Variants in IMMP2L observed in about 807,000 individuals in gnomAD.
IMMP2L encodes mitochondrial inner membrane protease subunit 2.
IMMP2L carries 18 observed loss-of-function variants against 19.3 expected under a neutral mutation model. The ratio of observed to expected loss-of-function variants is 0.93; its 90% CI spans 0.64 to 1.38. The LOEUF is 1.38. IMMP2L is among the 40% of genes most tolerant of loss of function. IMMP2L has a pLI of 0.00. For missense variants in IMMP2L, 233 were observed against 218.2 expected, an observed-to-expected ratio of 1.07 and a Z score of -0.43; for synonymous variants, 76 against 73.0, an observed-to-expected ratio of 1.04 and a Z score of -0.21.
At chr7:111,064,323 G>A (rs1375019414) in intron 3 of IMMP2L, among the ~76,000 whole-genome samples, 1 of 152,138 alleles carries the variant, frequency 6.6e-6, no homozygotes, top group Non-Finnish European at 1.5e-5. Flanking sequence ...TGAGATTTGG[G>A]TGAGGACACA....
At chr7:111,202,228 T>A (rs1810222624) in intron 3 of IMMP2L, among the ~76,000 whole-genome samples, 1 of 152,156 alleles carries the variant, frequency 6.6e-6, no homozygotes. Flanking sequence ...TGACACCCAC[T>A]CTTGGCAGAA....
At chr7:111,480,682 T>C (rs987162479) in intron 3 of IMMP2L, among the ~76,000 whole-genome samples, 4 of 151,478 alleles carry the variant, frequency 2.6e-5, no homozygotes, top group Non-Finnish European at 4.4e-5. Context: ...ATGGTCTTTC[T>C]ACATTTGGTT....
At chr7:110,825,122 C>T (rs187313479) in intron 5 of IMMP2L, among the ~76,000 whole-genome samples, 1 of 152,218 alleles carries the variant, frequency 6.6e-6, no homozygotes, top group East Asian at 1.9e-4. Context: ...AGGAATCCAA[C>T]TTACAAGGGA....
chr7:110,965,242 A>C lies in IMMP2L; in HGVS notation c.240-1677T>G, dbSNP rs529998627. On this transcript the variant is annotated intron_variant, in intron 3 of 5. Transcript: ENST00000405709. The stretch of plus-strand genomic sequence containing the variant: ...ATGTATTTCAAAATCATGCATAGAT[A>C]AAAATATTTTAAATTCAAGTCACAT... Among the ~76,000 whole-genome samples the C allele has an allele frequency of 1.1e-4, 16 of 152,210 alleles. No homozygotes were observed. The South Asian group carries it at 3.1e-3, about 30-fold the overall frequency.
chr7:111,188,276 G>A lies in IMMP2L; in HGVS notation c.240-224711C>T, dbSNP rs1007322394. Among the ~76,000 whole-genome samples, 4 of 152,104 alleles carry A rather than the reference G, an allele frequency of 2.6e-5. 1 individual carries two copies. Among genetic ancestry groups the A allele is most frequent in the Non-Finnish European group, 5.9e-5 (4 of 68,026 alleles). On this transcript the variant is annotated intron_variant, in intron 3 of 5. Transcript: ENST00000405709. ...TAGTACAGGCTGCGATTAACAAAGT[G>A]CCATAAATTGGGTGGCTTATGAACA...
At chr7:110,996,274 A>G (rs1333789337) in intron 3 of IMMP2L, among the ~76,000 whole-genome samples, 1 of 152,178 alleles carries the variant, frequency 6.6e-6, no homozygotes, top group Non-Finnish European at 1.5e-5. Flanking sequence ...CTTAAACAGC[A>G]AAGAGTGCTG....
At chr7:111,334,823 C>T (rs1029922190) in intron 3 of IMMP2L, among the ~76,000 whole-genome samples, 1 of 152,074 alleles carries the variant, frequency 6.6e-6, no homozygotes, top group African/African-American at 2.4e-5. Context: ...TGTATTTCTT[C>T]CATTTCCCTC....
chr7:111,283,438 A>G (rs1173444014), intron 3 of IMMP2L, among the ~76,000 whole-genome samples: 1 of 152,176 alleles, frequency 6.6e-6, no homozygotes, highest in Non-Finnish European at 1.5e-5. Context: ...AGACAGGGAG[A>G]AAGAAAATGA....
intron 3 of IMMP2L, among the ~76,000 whole-genome samples, chr7:111,175,925 G>GA (rs1002823365): frequency 2.6e-5 from 4 of 151,650 alleles, no homozygotes; most frequent in African/African-American, 4.8e-5. Context: ...TCAAAAATAG[G>GA]AAAAAATCCA....
At chr7:111,364,250 T>C (rs982053692) in intron 3 of IMMP2L, among the ~76,000 whole-genome samples, 8 of 152,150 alleles carry the variant, frequency 5.3e-5, no homozygotes, top group Non-Finnish European at 1.2e-4. Context: ...AGCCAGCTCT[T>C]ATAATTAGCA....
chr7:110,999,595 A>G (rs1585671639), intron 3 of IMMP2L, among the ~76,000 whole-genome samples: 2 of 142,348 alleles, frequency 1.4e-5, no homozygotes, highest in South Asian at 4.4e-4. Context: ...ACTTCTAAAT[A>G]TTTTCGATGA....
At chr7:111,395,022 C>T (rs1832728540) in intron 3 of IMMP2L, 1 of 236,136 alleles carries the variant, frequency 4.2e-6, no homozygotes, top group East Asian at 1.1e-4. Context: ...CAGCTGTTCG[C>T]CACCTGATGA....
chr7:111,276,057 A>G (rs1819009561), intron 3 of IMMP2L, among the ~76,000 whole-genome samples: 1 of 152,020 alleles, frequency 6.6e-6, no homozygotes, highest in African/African-American at 2.4e-5. Context: ...ACTTTTCCCC[A>G]TTAAGTATAA....
At chr7:110,932,140 T>G (rs769698414) in intron 4 of IMMP2L, among the ~76,000 whole-genome samples, 11 of 152,048 alleles carry the variant, frequency 7.2e-5, no homozygotes, top group Non-Finnish European at 1.2e-4. Context: ...ATTTCTGGCC[T>G]CCACATCCCT....
At chr7:111,541,373 G>A (rs563789538) in intron 1 of IMMP2L, among the ~76,000 whole-genome samples, 7 of 152,240 alleles carry the variant, frequency 4.6e-5, no homozygotes, top group Admixed American at 4.6e-4. Context: ...AACACAAGTG[G>A]GTAGTTGGGT....
chr7:111,196,209 G>T (rs1481229360), intron 3 of IMMP2L, among the ~76,000 whole-genome samples: 1 of 152,024 alleles, frequency 6.6e-6, no homozygotes, highest in African/African-American at 2.4e-5. Context: ...TGGGACCTTA[G>T]GAAAAATCAT....
rs1798086717 is a variant in IMMP2L, at chr7:110,757,217, G to A, written c.409-93496C>T. Among the ~76,000 whole-genome samples the A allele has an allele frequency of 6.6e-6, 1 of 152,014 alleles. No individual in the cohort carries two copies. Among genetic ancestry groups the A allele is most frequent in the Non-Finnish European group, 1.5e-5 (1 of 67,996 alleles). On this transcript the variant is annotated intron_variant, in intron 5 of 5. Transcript: ENST00000405709. This position sits in a 1 kb window ranked among gnomAD's most constrained non-coding sequence, Gnocchi z 4.2. ...TGTTGGAGGCAAGGGGTGAAATCAG[G>A]GCTGGCTTCACGGGTGTGCAATCTG...
At chr7:111,345,583 G>A (rs1471927003) in intron 3 of IMMP2L, among the ~76,000 whole-genome samples, 2 of 152,140 alleles carry the variant, frequency 1.3e-5, no homozygotes, top group African/African-American at 2.4e-5. Context: ...TCTGTAAATG[G>A]TCCAGGTGGA....
At chr7:110,878,334 G>C (rs1363086181) in intron 5 of IMMP2L, among the ~76,000 whole-genome samples, 1 of 152,010 alleles carries the variant, frequency 6.6e-6, no homozygotes, top group East Asian at 1.9e-4. Flanking sequence ...CCTATGAATA[G>C]ATTTCCTTTC....
Sources: gnomAD v4.1 joint callset for allele counts (sites outside exome capture counted in the v4.1 genomes callset) on GRCh38, gnomAD v4.1.1 for gene constraint, Gnocchi (gnomAD v3.1) non-coding constraint, MANE v1.5 for transcripts, NCBI Gene and HGNC (gene_info 2026-07-23, HGNC 2026-07-21) for gene names.